The following CNTN4 variants were observed in gnomAD, a reference collection of about 807,000 sequenced individuals.
CNTN4 encodes the protein contactin 4.
CNTN4 carries 77 observed loss-of-function variants against 122.5 expected under a neutral mutation model. That is an observed-to-expected ratio of 0.63 (90% CI 0.52 to 0.76). The LOEUF (loss-of-function observed/expected upper bound fraction) is 0.76. Among genes scored for constraint, CNTN4 ranks in the 30% least tolerant of loss-of-function variants. The pLI is 0.00. For missense variants in CNTN4, 1,256 were observed against 1,259.1 expected (o/e 1.00, Z 0.04); for synonymous variants, 512 against 447.0 (o/e 1.15, Z -1.83).
chr3:2,878,534 A>G (rs1171793147), intron 8 of CNTN4, among the ~76,000 whole-genome samples: 2 of 141,422 alleles, frequency 1.4e-5, no homozygotes, highest in African/African-American at 5.1e-5. Flanking sequence ...AGGTAAGAGA[A>G]CAACAGAAGA....
rs547588955 is a variant in CNTN4, at chr3:2,936,908, A to G, written c.1358+11129A>G. Among the ~76,000 whole-genome samples the G allele has an allele frequency of 1.5e-3, 231 of 152,334 alleles. 1 individual carries two copies. Among genetic ancestry groups the G allele is most frequent in the Non-Finnish European group, 2.9e-3 (194 of 68,022 alleles). ...GGACAGGACACAGCCATACTCATTC[A>G]TTCACAAATGGCCTGTGGCTGGCGG... On this transcript the variant is annotated intron_variant, in intron 13 of 24. Coordinates refer to ENST00000418658, the MANE Select transcript of CNTN4 (RefSeq NM_175607.3).
intron 4 of CNTN4, among the ~76,000 whole-genome samples, chr3:2,733,573 G>A (rs571901888): frequency 1.2e-4 from 16 of 130,014 alleles, no homozygotes; most frequent in African/African-American, 2.5e-4. Flanking sequence ...TCACAGCATC[G>A]CCTGGGCTGG....
chr3:2,737,723 CAG>C (rs1576618717), intron 5 of CNTN4, among the ~76,000 whole-genome samples: 1 of 152,094 alleles, frequency 6.6e-6, no homozygotes, highest in East Asian at 1.9e-4. Flanking sequence ...CTTCAGAGAA[CAG>C]AGGTCACAAG....
chr3:2,779,675 C>G (rs1310903435), intron 6 of CNTN4, among the ~76,000 whole-genome samples: 1 of 152,070 alleles, frequency 6.6e-6, no homozygotes, highest in Admixed American at 6.6e-5. Flanking sequence ...GTGTTCCCTT[C>G]TGAATATTAA....
At chr3:2,377,875 AT>A (rs1357646242) in intron 3 of CNTN4, among the ~76,000 whole-genome samples, 1 of 152,120 alleles carries the variant, frequency 6.6e-6, no homozygotes, top group African/African-American at 2.4e-5. Context: ...AAGCCAAAAG[AT>A]TGGACACTCC....
chr3:2,970,592 G>A (rs1240204776), intron 13 of CNTN4, among the ~76,000 whole-genome samples: 1 of 151,700 alleles, frequency 6.6e-6, no homozygotes, highest in Non-Finnish European at 1.5e-5. Context: ...GACTACAGGC[G>A]CACATCACTA....
chr3:2,107,235 C>T (rs939909820), intron 2 of CNTN4, among the ~76,000 whole-genome samples: 1 of 152,134 alleles, frequency 6.6e-6, no homozygotes, highest in Admixed American at 6.6e-5. Context: ...TAGCAGTACC[C>T]CACTCTCTGC....
chr3:2,861,048 A>T (rs2093666125), intron 7 of CNTN4, among the ~76,000 whole-genome samples: 1 of 152,234 alleles, frequency 6.6e-6, no homozygotes, highest in Admixed American at 6.5e-5. Context: ...TTTTGTTGAA[A>T]AAAATGCCAA....
In CNTN4 at chr3:3,056,454, G is replaced by A. The variant is rs1346356269; in HGVS notation, c.*234G>A. 2 of 457,620 alleles carry A rather than the reference G, an allele frequency of 4.4e-6. No individual in the cohort carries two copies. Among genetic ancestry groups the A allele is most frequent in the Non-Finnish European group, 7.9e-6 (2 of 251,974 alleles). The allele number at this position is 457,620 out of a possible 1,614,324, so 28.3% of individuals were successfully genotyped here. A position where few individuals can be genotyped will look rare whatever the true frequency, so the allele number is the denominator to read the frequency against. ...GCACTGAAGACATCTGTAATATGATGTTACCAAAGCAGTTTACATATGTCC... is the reference window on the plus strand; with the variant it reads ...GCACTGAAGACATCTGTAATATGATATTACCAAAGCAGTTTACATATGTCC... On this transcript the variant is annotated 3_prime_UTR_variant, in exon 25 of 25. Coordinates refer to ENST00000418658, the MANE Select transcript of CNTN4 (RefSeq NM_175607.3).
intron 14 of CNTN4, among the ~76,000 whole-genome samples, chr3:3,002,152 A>G (rs1287100957): frequency 6.6e-6 from 1 of 152,216 alleles, no homozygotes. Context: ...GTGGCCATGA[A>G]ACAACCATAA....
At chr3:2,530,791 G>C (rs956916427) in intron 3 of CNTN4, among the ~76,000 whole-genome samples, 1 of 152,076 alleles carries the variant, frequency 6.6e-6, no homozygotes, top group Non-Finnish European at 1.5e-5. Context: ...TAACTCCCGT[G>C]ATCTAAGAAA....
At chr3:3,027,090 C>T (rs9870617) in intron 15 of CNTN4, among the ~76,000 whole-genome samples, 14,674 of 152,160 alleles carry the variant, frequency 0.096, 726 homozygotes, top group African/African-American at 0.13. Flanking sequence ...CTGTCCACCC[C>T]CTTTACGTTG....
intron 2 of CNTN4, among the ~76,000 whole-genome samples, chr3:2,105,428 G>A (rs2032356860): frequency 6.6e-6 from 1 of 152,166 alleles, no homozygotes; most frequent in African/African-American, 2.4e-5. Flanking sequence ...AAGGAAAGAG[G>A]TTCAATTCAC....
intron 4 of CNTN4, among the ~76,000 whole-genome samples, chr3:2,599,027 G>T (rs915045534): frequency 6.6e-6 from 1 of 152,194 alleles, no homozygotes. Flanking sequence ...ACTGACATAT[G>T]TTGAGTATTG....
At chr3:2,991,102 A>C (rs1181546882) in intron 14 of CNTN4, among the ~76,000 whole-genome samples, 1 of 152,218 alleles carries the variant, frequency 6.6e-6, no homozygotes, top group African/African-American at 2.4e-5. Flanking sequence ...ACTTGAGGAC[A>C]ATTTCCAGGA....
At chr3:2,507,847 T>C (rs2076777308) in intron 3 of CNTN4, among the ~76,000 whole-genome samples, 1 of 151,484 alleles carries the variant, frequency 6.6e-6, no homozygotes, top group South Asian at 2.1e-4. Context: ...GTAACACTCA[T>C]AAAACAATTT....
At chr3:2,894,522 A>G (rs562977261) in intron 10 of CNTN4, among the ~76,000 whole-genome samples, 1 of 152,292 alleles carries the variant, frequency 6.6e-6, no homozygotes, top group South Asian at 2.1e-4. Flanking sequence ...CCTGAATATT[A>G]TTATGAGGTT....
intron 2 of CNTN4, among the ~76,000 whole-genome samples, chr3:2,253,015 A>G (rs973036101): frequency 2.6e-5 from 4 of 152,244 alleles, no homozygotes; most frequent in African/African-American, 9.6e-5. Flanking sequence ...AAAAAAACCA[A>G]TATGAAGTAG....
intron 7 of CNTN4, among the ~76,000 whole-genome samples, chr3:2,861,200 C>G (rs539121310): frequency 1.3e-5 from 2 of 152,242 alleles, no homozygotes; most frequent in African/African-American, 4.8e-5. Context: ...GATTAAATCC[C>G]GAAGCCAAGA....
Sources: gnomAD v4.1 joint callset for allele counts (sites outside exome capture counted in the v4.1 genomes callset) on GRCh38, gnomAD v4.1.1 for gene constraint, MANE v1.5 for transcripts, NCBI Gene and HGNC (gene_info 2026-07-23, HGNC 2026-07-21) for gene names.